The following ULK4 variants were observed in gnomAD, a reference collection of about 807,000 sequenced individuals.
ULK4 encodes unc-51 like kinase 4, also known as inactive serine/threonine-protein kinase ULK4.
A neutral mutation model predicts 160.6 loss-of-function variants in ULK4; 133 were observed. The observed-to-expected ratio is 0.83, with a 90% CI of 0.72 to 0.96. The LOEUF (loss-of-function observed/expected upper bound fraction) is 0.96, where lower values mean the gene tolerates loss of function less well. ULK4 is among the 40% of genes least tolerant of loss of function. ULK4 has a pLI of 0.00. For missense variants in ULK4, 1,580 were observed against 1,499.5 expected, an observed-to-expected ratio of 1.05 and a Z score of -0.89; for synonymous variants, 534 against 539.8, an observed-to-expected ratio of 0.99 and a Z score of 0.15.
intron 34 of ULK4, among the ~76,000 whole-genome samples, chr3:41,429,603 G>A (rs1351782064): frequency 1.3e-5 from 2 of 152,174 alleles, no homozygotes; most frequent in Non-Finnish European, 2.9e-5. Context: ...CATGGATGGA[G>A]CTGGAAGCCA....
intron 11 of ULK4, among the ~76,000 whole-genome samples, chr3:41,910,133 T>C (rs2148801821): frequency 6.6e-6 from 1 of 152,146 alleles, no homozygotes; most frequent in African/African-American, 2.4e-5. Flanking sequence ...TGACCTCAGG[T>C]GATCCGCCTG....
intron 32 of ULK4, among the ~76,000 whole-genome samples, chr3:41,474,344 T>C (rs1375085262): frequency 6.6e-6 from 1 of 151,982 alleles, no homozygotes; most frequent in African/African-American, 2.4e-5. Context: ...TCACCCTACA[T>C]ACAAAAATCA....
At chr3:41,732,529 A>T (rs531385029) in intron 22 of ULK4, among the ~76,000 whole-genome samples, 17 of 152,278 alleles carry the variant, frequency 1.1e-4, no homozygotes, top group African/African-American at 4.1e-4. Context: ...AGGGAAGGTA[A>T]ATTAGTATGG....
At chr3:41,521,389 T>C (rs2085928040) in intron 32 of ULK4, among the ~76,000 whole-genome samples, 1 of 152,152 alleles carries the variant, frequency 6.6e-6, no homozygotes, top group South Asian at 2.1e-4. Flanking sequence ...TTTTCAATTT[T>C]CAAAAACACA....
At chr3:41,822,174 T>A (rs932974634) in intron 18 of ULK4, among the ~76,000 whole-genome samples, 5 of 152,054 alleles carry the variant, frequency 3.3e-5, no homozygotes, top group African/African-American at 1.2e-4. Flanking sequence ...ATCGGACTGG[T>A]GAGGAGCCCT....
intron 34 of ULK4, among the ~76,000 whole-genome samples, chr3:41,438,760 G>A (rs1315129161): frequency 6.6e-6 from 1 of 152,020 alleles, no homozygotes; most frequent in Non-Finnish European, 1.5e-5. Context: ...TCAGGAGTTC[G>A]AGGCTGCCAT....
chr3:41,311,541 T>C (rs920451471), intron 35 of ULK4, among the ~76,000 whole-genome samples: 2 of 152,144 alleles, frequency 1.3e-5, no homozygotes, highest in Non-Finnish European at 2.9e-5. Flanking sequence ...GACCTTGTAA[T>C]TGTGTGAGTT....
At chr3:41,355,888 T>C (rs887979462) in intron 35 of ULK4, among the ~76,000 whole-genome samples, 2 of 152,232 alleles carry the variant, frequency 1.3e-5, no homozygotes, top group African/African-American at 4.8e-5. Flanking sequence ...TTACTGGATA[T>C]GCTAAAGTGA....
At chr3:41,549,075 T>C (rs1324378953) in intron 32 of ULK4, among the ~76,000 whole-genome samples, 3 of 151,948 alleles carry the variant, frequency 2.0e-5, no homozygotes, top group Non-Finnish European at 2.9e-5. Flanking sequence ...ATCTGAAAAA[T>C]AGGAAGAAGT....
At chr3:41,278,965 G>A (rs2079286291) in intron 35 of ULK4, among the ~76,000 whole-genome samples, 1 of 152,132 alleles carries the variant, frequency 6.6e-6, no homozygotes, top group Non-Finnish European at 1.5e-5. Context: ...GTTGACAGAA[G>A]TTGGCTTCAG....
chr3:41,247,865 C>T (rs1194340087), intron 36 of ULK4, among the ~76,000 whole-genome samples: 1 of 152,210 alleles, frequency 6.6e-6, no homozygotes, highest in Non-Finnish European at 1.5e-5. Flanking sequence ...ACAATGCCAT[C>T]CACTCATTCT....
chr3:41,721,623 C>T (rs2037474728), intron 22 of ULK4, among the ~76,000 whole-genome samples: 1 of 151,772 alleles, frequency 6.6e-6, no homozygotes, highest in Non-Finnish European at 1.5e-5. Context: ...GCCTCAGCCT[C>T]CCAAAGTGCT....
chr3:41,638,456 G>C (rs962727439), intron 30 of ULK4, among the ~76,000 whole-genome samples: 8 of 152,182 alleles, frequency 5.3e-5, no homozygotes, highest in African/African-American at 1.7e-4. Flanking sequence ...GTATTCTGAA[G>C]ATACAAAGTG....
intron 30 of ULK4, among the ~76,000 whole-genome samples, chr3:41,619,144 C>A (rs984085536): frequency 6.6e-6 from 1 of 151,936 alleles, no homozygotes; most frequent in African/African-American, 2.4e-5. Context: ...TTCTTAGAGA[C>A]CTACAAAGAG....
intron 21 of ULK4, among the ~76,000 whole-genome samples, chr3:41,759,092 C>G (rs1007068748): frequency 6.6e-6 from 1 of 152,112 alleles, no homozygotes; most frequent in African/African-American, 2.4e-5. Flanking sequence ...TTAATGATGA[C>G]AGACAAGGTG....
rs66621972 is a variant in ULK4 at position 41,421,122 on chromosome 3, AAAAAGAAAAG to A, written c.3493-22868_3493-22859del. Among the ~76,000 whole-genome samples the A allele has an allele frequency of 1.0e-4, 15 of 148,944 alleles. No individual in the cohort carries two copies. In the East Asian group the frequency reaches 2.0e-3, roughly 20 times the overall value. On this transcript the variant is annotated intron_variant, in intron 34 of 36. Coordinates refer to ENST00000301831, the MANE Select transcript of ULK4 (RefSeq NM_017886.4). ...AATAAGTGAGACCCCATCTCAAAAA[AAAAAGAAAAG>A]AAAAGAAAAGAAAAGCTATTAATTT...
chr3:41,380,790 T>A, intron 35 of ULK4, among the ~76,000 whole-genome samples: 1 of 152,168 alleles, frequency 6.6e-6, no homozygotes, highest in Non-Finnish European at 1.5e-5. Flanking sequence ...TCCTCTTGAA[T>A]CCCTTCTATT....
rs190606169 is a variant in ULK4 at position 41,819,160 on chromosome 3, T to C, written c.1848+263A>G. On this transcript the variant is annotated intron_variant, in intron 19 of 36. Transcript: ENST00000301831. ...GCGGAGGGTAATTAAGAATATGCTA[T>C]TGAATGTTAGTTACATTGTTTATAT... is the stretch of plus-strand genomic sequence containing the variant. Among the ~76,000 whole-genome samples, 4 of 152,326 alleles carry C rather than the reference T, an allele frequency of 2.6e-5. No individual in the cohort carries two copies. The East Asian group carries it at 7.7e-4, about 29-fold the overall frequency.
intron 35 of ULK4, among the ~76,000 whole-genome samples, chr3:41,382,359 T>G (rs1035841967): frequency 6.6e-6 from 1 of 152,212 alleles, no homozygotes; most frequent in Non-Finnish European, 1.5e-5. Context: ...GAGGACTTTT[T>G]CTGTGTGGTA....
Sources: allele counts gnomAD v4.1 joint callset (sites outside exome capture counted in the v4.1 genomes callset), GRCh38; gene constraint gnomAD v4.1.1; transcripts MANE v1.5; gene names NCBI Gene and HGNC (gene_info 2026-07-23, HGNC 2026-07-21).